NCKAP1: variants seen among roughly 807,000 people sequenced by gnomAD.
NCKAP1 encodes the protein nck-associated protein 1.
Under a neutral mutation model 151.2 loss-of-function variants are expected in NCKAP1, and 21 were observed. That is an observed-to-expected ratio of 0.14 (90% CI 0.10 to 0.20). NCKAP1 has a LOEUF of 0.20. NCKAP1 is among the 10% of genes least tolerant of loss of function. NCKAP1 has a pLI of 1.00. For synonymous variants in NCKAP1, 484 were observed against 451.8 expected (o/e 1.07, Z -0.90); for missense variants, 933 against 1,352.1 (o/e 0.69, Z 4.86).
intron 1 of NCKAP1, among the ~76,000 whole-genome samples, chr2:183,024,506 A>T (rs1698851210): frequency 6.6e-6 from 1 of 152,196 alleles, no homozygotes. Flanking sequence ...ATGAATCTAC[A>T]TCTGTTCTAT....
intron 15 of NCKAP1, among the ~76,000 whole-genome samples, chr2:182,975,274 A>G (rs1396813681): frequency 6.6e-6 from 1 of 152,170 alleles, no homozygotes; most frequent in East Asian, 1.9e-4. Flanking sequence ...CACATTTAAC[A>G]TTTTGGGATG....
intron 15 of NCKAP1, among the ~76,000 whole-genome samples, chr2:182,968,121 C>T (rs564937009): frequency 4.6e-5 from 7 of 152,160 alleles, no homozygotes; most frequent in East Asian, 1.9e-4. Flanking sequence ...CTGTATACCA[C>T]GTTAAAGAAT....
At chr2:182,944,841 C>T (rs1697067238) in intron 23 of NCKAP1, among the ~76,000 whole-genome samples, 1 of 152,186 alleles carries the variant, frequency 6.6e-6, no homozygotes, top group African/African-American at 2.4e-5. Context: ...GTGACTCACA[C>T]CTGTGATCCT....
Position 183,016,287 on chromosome 2 carries a change from T to A in NCKAP1, c.219+7519A>T, listed in dbSNP as rs553831130. Among the ~76,000 whole-genome samples the A allele has an allele frequency of 1.2e-3, 186 of 152,326 alleles. 1 individual carries two copies. The highest frequency in any genetic ancestry group is 4.3e-3 in the African/African-American group (178 of 41,588). ...AGGTAGGTCACCAGTGCTGATGCAATTCCCTGCCACTATTTGACCTATTTC... is the reference window on the plus strand; with the variant it reads ...AGGTAGGTCACCAGTGCTGATGCAAATCCCTGCCACTATTTGACCTATTTC... On this transcript the variant is annotated intron_variant, in intron 2 of 30. Coordinates refer to ENST00000361354, the MANE Select transcript of NCKAP1 (RefSeq NM_013436.5).
At chr2:183,017,995 A>C (rs1053643446) in intron 2 of NCKAP1, among the ~76,000 whole-genome samples, 2 of 152,158 alleles carry the variant, frequency 1.3e-5, no homozygotes, top group Non-Finnish European at 2.9e-5. Context: ...CATGCCTGTA[A>C]TCCAGCACTT....
intron 22 of NCKAP1, 30 bp downstream of exon 22, chr2:182,952,763 T>C (rs1559079490): frequency 7.8e-6 from 12 of 1,541,950 alleles, no homozygotes; most frequent in Non-Finnish European, 1.0e-5. Context: ...GTGTTCTTCA[T>C]TCTCTAAACT....
intron 2 of NCKAP1, among the ~76,000 whole-genome samples, chr2:183,012,779 A>ATT (rs58239552): frequency 0.052 from 6,686 of 127,790 alleles, 216 homozygotes; most frequent in African/African-American, 0.094. Flanking sequence ...ACACCTGGCT[A>ATT]TTTTTTTTTT....
chr2:182,953,137 G>T lies in NCKAP1; in HGVS notation c.2348C>A (p.Thr783Asn). The change falls in exon 21 of 31, where the codon ACC (threonine) becomes AAC (asparagine). Residue 783 changes from threonine (T) to asparagine (N), a missense_variant. By Grantham distance (65) the Thr-to-Asn change is moderately conservative. Transcript: ENST00000361354. ...CCAATTTGTGTATAGACTTGTAATG[G>T]TTGGCTCTCCATGACTGTCTAAATG... ...TQHLDSHGEPTITSLYTNWYL... is the reference protein window; with the variant it reads ...TQHLDSHGEPNITSLYTNWYL... 1 of 1,612,424 alleles carries T rather than the reference G, an allele frequency of 6.2e-7. No homozygotes were observed. Among genetic ancestry groups the T allele is most frequent in the Non-Finnish European group, 8.5e-7 (1 of 1,179,072 alleles).
intron 16 of NCKAP1, among the ~76,000 whole-genome samples, chr2:182,965,613 AT>A (rs1575035309): frequency 6.6e-6 from 1 of 152,220 alleles, no homozygotes; most frequent in East Asian, 1.9e-4. Flanking sequence ...ACATTTCTTT[AT>A]TTTGGATGTG....
chr2:182,964,129 C>T (rs1164423241), intron 17 of NCKAP1, among the ~76,000 whole-genome samples: 5 of 152,230 alleles, frequency 3.3e-5, no homozygotes, highest in African/African-American at 1.2e-4. Context: ...ACACTGAGTA[C>T]ATTTTTCACA....
At chr2:183,017,364 A>C (rs184843369) in intron 2 of NCKAP1, among the ~76,000 whole-genome samples, 1 of 152,284 alleles carries the variant, frequency 6.6e-6, no homozygotes, top group Non-Finnish European at 1.5e-5. Flanking sequence ...GCTTTCCTGC[A>C]ATTTCATGGT....
intron 15 of NCKAP1, 59 bp downstream of exon 15, chr2:182,976,833 TA>T: frequency 9.2e-7 from 1 of 1,092,846 alleles, no homozygotes; most frequent in South Asian, 2.0e-5. Context: ...ATAGTTGTTA[TA>T]AAATTTTTCA....
In NCKAP1 at chr2:182,956,610, AAC is replaced by A; in HGVS notation, c.2022-19_2022-18del. 6.3e-7 allele frequency: 1 copy of A among 1,594,020 alleles called. No homozygotes were observed. The highest frequency in any genetic ancestry group is 8.5e-7 in the Non-Finnish European group (1 of 1,172,804). On this transcript the variant is annotated intron_variant, in intron 19 of 30. Transcript: ENST00000361354. Reference sequence around the variant, plus strand: ...TTATCAAGGCTGAAAAAAATTAATAAACAGTTAAAATGTTCACATGTCATCAC... The same window carrying A: ...TTATCAAGGCTGAAAAAAATTAATAAAGTTAAAATGTTCACATGTCATCAC...
intron 1 of NCKAP1, among the ~76,000 whole-genome samples, chr2:183,028,128 A>C (rs12992669): frequency 1.3e-5 from 2 of 151,940 alleles, no homozygotes; most frequent in Admixed American, 1.3e-4. Flanking sequence ...AATAGAAAAA[A>C]AGGAAAGGTG....
At chr2:183,008,165 T>C (rs1698516523) in intron 2 of NCKAP1, among the ~76,000 whole-genome samples, 3 of 152,036 alleles carry the variant, frequency 2.0e-5, no homozygotes, top group Admixed American at 6.6e-5. Context: ...ACCTCTCAGG[T>C]GATCCGCCCG....
chr2:183,034,822 TAAAG>T (rs1008648985), intron 1 of NCKAP1, among the ~76,000 whole-genome samples: 1 of 152,154 alleles, frequency 6.6e-6, no homozygotes, highest in Non-Finnish European at 1.5e-5. Context: ...CATAAAATCA[TAAAG>T]ATAGAGCTGG....
At chr2:183,009,922 A>G (rs539417631) in intron 2 of NCKAP1, among the ~76,000 whole-genome samples, 1 of 152,330 alleles carries the variant, frequency 6.6e-6, no homozygotes, top group African/African-American at 2.4e-5. Context: ...AGCTAAAGAA[A>G]ACATTTGTAT....
intron 18 of NCKAP1, among the ~76,000 whole-genome samples, chr2:182,958,852 T>A (rs1697379465): frequency 6.6e-6 from 1 of 152,218 alleles, no homozygotes; most frequent in African/African-American, 2.4e-5. Flanking sequence ...TAGCCACATG[T>A]GAAATGTGCC....
At chr2:182,960,004 C>T (rs1430201702) in intron 18 of NCKAP1, among the ~76,000 whole-genome samples, 1 of 152,096 alleles carries the variant, frequency 6.6e-6, no homozygotes, top group Non-Finnish European at 1.5e-5. Context: ...GAATAAAATG[C>T]CTAGGAATCC....
Sources: allele counts gnomAD v4.1 joint callset (sites outside exome capture counted in the v4.1 genomes callset), GRCh38; gene constraint gnomAD v4.1.1; transcripts MANE v1.5; gene names NCBI Gene and HGNC (gene_info 2026-07-23, HGNC 2026-07-21).